Variants in EYS observed in about 807,000 individuals in gnomAD.
EYS encodes the protein protein eyes shut homolog.
In EYS, 250 loss-of-function variants were observed where a neutral mutation model predicts 282.1. That is an observed-to-expected ratio of 0.89 (90% CI 0.80 to 0.98). The LOEUF (loss-of-function observed/expected upper bound fraction) is 0.98. EYS is among the 50% of genes least tolerant of loss of function. The pLI, the probability that EYS is intolerant of heterozygous loss-of-function variation, is 0.00. For missense variants in EYS, 4,016 were observed against 3,709.0 expected, an observed-to-expected ratio of 1.08 and a Z score of -2.15; for synonymous variants, 1,355 against 1,282.9, an observed-to-expected ratio of 1.06 and a Z score of -1.20.
At chr6:64,710,445 C>T (rs892463586) in intron 22 of EYS, among the ~76,000 whole-genome samples, 1 of 152,224 alleles carries the variant, frequency 6.6e-6, no homozygotes, top group Non-Finnish European at 1.5e-5. Flanking sequence ...GGACCAAATC[C>T]TTCATCCAGT....
At chr6:65,412,466 T>G (rs12216299) in intron 5 of EYS, among the ~76,000 whole-genome samples, 9,453 of 152,220 alleles carry the variant, frequency 0.062, 394 homozygotes, top group Middle Eastern at 0.092. Context: ...GTATAAGAGA[T>G]TTAGTTACTC....
chr6:64,529,456 T>C (rs987696926), intron 26 of EYS, among the ~76,000 whole-genome samples: 68 of 152,194 alleles, frequency 4.5e-4, no homozygotes, highest in African/African-American at 1.5e-3. Flanking sequence ...GAGAACGAGA[T>C]TAATCATCTT....
At chr6:64,260,989 A>G (rs1767568679) in intron 30 of EYS, among the ~76,000 whole-genome samples, 1 of 74,012 alleles carries the variant, frequency 1.4e-5, no homozygotes, top group African/African-American at 4.9e-5. Flanking sequence ...GAGTAACTAG[A>G]GTATCACTTT....
At chr6:65,416,011 A>G (rs950553690) in intron 5 of EYS, among the ~76,000 whole-genome samples, 1 of 151,978 alleles carries the variant, frequency 6.6e-6, no homozygotes, top group South Asian at 2.1e-4. Flanking sequence ...AGAGAGGAAC[A>G]AGAAATTGAG....
At chr6:64,303,702 A>G (rs1769319517) in intron 30 of EYS, among the ~76,000 whole-genome samples, 2 of 151,634 alleles carry the variant, frequency 1.3e-5, no homozygotes, top group Admixed American at 6.6e-5. Context: ...TTAGCCGGGC[A>G]TGGTGGCGCG....
chr6:63,967,904 A>G (rs542685172), intron 35 of EYS, among the ~76,000 whole-genome samples: 2 of 152,254 alleles, frequency 1.3e-5, no homozygotes, highest in Non-Finnish European at 2.9e-5. Flanking sequence ...TCCTCCCTCA[A>G]AAACAAATTT....
rs140068474 is a variant in EYS, at chr6:65,625,656, T to C, written c.-333+14122A>G. ...TCTATTTTTATGTTTACTGAATAAA[T>C]GAAATTTAACGAGTTTGAGTTAAGT... On this transcript the variant is annotated intron_variant, in intron 2 of 42. Transcript: ENST00000503581. 7.1e-3 allele frequency among the ~76,000 whole-genome samples: 1,082 copies of C among 152,318 alleles called. 10 individuals are homozygous for C. The highest frequency in any genetic ancestry group is 0.023 in the African/African-American group (953 of 41,566).
intron 29 of EYS, among the ~76,000 whole-genome samples, chr6:64,368,326 C>G (rs185048054): frequency 8.8e-4 from 134 of 152,190 alleles, no homozygotes; most frequent in Non-Finnish European, 1.6e-3. Context: ...TATTTTTAAT[C>G]CAGTCTACCA....
intron 12 of EYS, among the ~76,000 whole-genome samples, chr6:65,172,983 A>T (rs1221868503): frequency 1.6e-3 from 105 of 65,956 alleles, no homozygotes; most frequent in African/African-American, 0.011. Flanking sequence ...CTGGAAATTT[A>T]AAAAAAAAAA....
intron 31 of EYS, among the ~76,000 whole-genome samples, chr6:64,096,867 C>A (rs1027785778): frequency 6.6e-6 from 1 of 152,150 alleles, no homozygotes; most frequent in East Asian, 1.9e-4. Flanking sequence ...TCTGTTTTTT[C>A]CCCATCTTTG....
intron 26 of EYS, among the ~76,000 whole-genome samples, chr6:64,464,565 A>G: frequency 6.6e-6 from 1 of 152,144 alleles, no homozygotes; most frequent in East Asian, 1.9e-4. Context: ...TAAAAAGACC[A>G]TTAGAACTAA....
Position 63,961,887 on chromosome 6 carries a change from T to G in EYS, c.7055+22496A>C, listed in dbSNP as rs1033730274. ...TCAAGAATCTTCCTGTATATTCTCT[T>G]AATTTTCTTTTCCAAATTTACATTA... On this transcript the variant is annotated intron_variant, in intron 35 of 42. Transcript: ENST00000503581. 2.6e-5 allele frequency among the ~76,000 whole-genome samples: 4 copies of G among 152,222 alleles called. No homozygotes were observed. The East Asian group carries it at 7.7e-4, about 29-fold the overall frequency.
intron 29 of EYS, among the ~76,000 whole-genome samples, chr6:64,358,376 A>G (rs985556016): frequency 1.3e-5 from 2 of 151,650 alleles, no homozygotes; most frequent in Non-Finnish European, 3.0e-5. Context: ...ATTGCACATA[A>G]AAAGAGAGCA....
At chr6:63,803,458 G>C (rs1004864508) in intron 37 of EYS, among the ~76,000 whole-genome samples, 1 of 152,086 alleles carries the variant, frequency 6.6e-6, no homozygotes, top group African/African-American at 2.4e-5. Flanking sequence ...GAGAAATTTA[G>C]AACTTTGCAG....
chr6:65,331,042 G>A, intron 11 of EYS: 1 of 983,926 alleles, frequency 1.0e-6, no homozygotes, highest in East Asian at 1.1e-4. Flanking sequence ...TCCTTTAAAG[G>A]CACCCATATG....
At chr6:64,423,518 T>C (rs4428482) in intron 28 of EYS, among the ~76,000 whole-genome samples, 42,031 of 151,986 alleles carry the variant, frequency 0.28, 5,895 homozygotes, top group East Asian at 0.46. Context: ...GGTGATACAA[T>C]ACCAACAGAG....
chr6:64,401,882 T>C (rs1265113482), intron 28 of EYS, among the ~76,000 whole-genome samples: 1 of 152,154 alleles, frequency 6.6e-6, no homozygotes, highest in Non-Finnish European at 1.5e-5. Context: ...TGGTAGACTA[T>C]TGCCAAAAGA....
chr6:64,866,838 T>C (rs570654471), intron 19 of EYS, among the ~76,000 whole-genome samples: 1 of 151,914 alleles, frequency 6.6e-6, no homozygotes, highest in South Asian at 2.1e-4. Context: ...AAAGAGCAGA[T>C]GGTTAACATT....
chr6:65,407,744 C>CGTGTGTGTGTGTGTGTGTGT (rs71002305), intron 5 of EYS, among the ~76,000 whole-genome samples: 1 of 144,124 alleles, frequency 6.9e-6, no homozygotes, highest in Non-Finnish European at 1.5e-5. Flanking sequence ...CTAATAAGTC[C>CGTGTGTGTGTGTGTGTGTGT]GTGTGTGTGT....
Sources: allele counts gnomAD v4.1 joint callset (sites outside exome capture counted in the v4.1 genomes callset), GRCh38; gene constraint gnomAD v4.1.1; transcripts MANE v1.5; gene names NCBI Gene and HGNC (gene_info 2026-07-23, HGNC 2026-07-21).